The following ATXN7L1 variants were observed in gnomAD, a reference collection of about 807,000 sequenced individuals.
ATXN7L1 encodes ataxin-7-like protein 1.
ATXN7L1 carries 15 observed loss-of-function variants against 70.8 expected under a neutral mutation model. The observed-to-expected ratio is 0.21, with a 90% CI of 0.14 to 0.33. The LOEUF is 0.33. Among genes scored for constraint, ATXN7L1 ranks in the 10% least tolerant of loss-of-function variants. The pLI, the probability that ATXN7L1 is intolerant of heterozygous loss-of-function variation, is 1.00. For synonymous variants in ATXN7L1, 440 were observed against 445.1 expected (o/e 0.99, Z 0.14); for missense variants, 975 against 1,097.1 (o/e 0.89, Z 1.57).
At chr7:105,627,841 G>GTTTTTT (rs36028028) in intron 7 of ATXN7L1, among the ~76,000 whole-genome samples, 6 of 86,446 alleles carry the variant, frequency 6.9e-5, no homozygotes, top group Non-Finnish European at 8.2e-5. Flanking sequence ...CCTGTCTTTA[G>GTTTTTT]TTTTTTTTTT....
chr7:105,651,937 C>A (rs78749282), intron 4 of ATXN7L1, among the ~76,000 whole-genome samples: 34 of 152,276 alleles, frequency 2.2e-4, no homozygotes, highest in South Asian at 1.7e-3. Flanking sequence ...GAGGCCCCAG[C>A]GCATGTCTCC....
rs1322245855 is a variant in ATXN7L1, at chr7:105,605,029, G to A, written c.*2823C>T. On this transcript the variant is annotated 3_prime_UTR_variant, in exon 12 of 12. Coordinates refer to ENST00000419735, the MANE Select transcript of ATXN7L1 (RefSeq NM_020725.2). ...CATTGATACAAAAGAAGGCATACAAGTTATCCAAGTCGCTTTTTTTTTTTT... is the reference window on the plus strand; with the variant it reads ...CATTGATACAAAAGAAGGCATACAAATTATCCAAGTCGCTTTTTTTTTTTT... The A allele has an allele frequency of 7.7e-6, 1 of 129,540 alleles. No individual in the cohort carries two copies. Among genetic ancestry groups the A allele is most frequent in the Admixed American group, 8.2e-5 (1 of 12,172 alleles). 8.0% of individuals were successfully genotyped at this position (129,540 alleles called of 1,614,324 possible).
chr7:105,745,516 T>A (rs1798486446), intron 3 of ATXN7L1, among the ~76,000 whole-genome samples: 1 of 152,226 alleles, frequency 6.6e-6, no homozygotes, highest in African/African-American at 2.4e-5. Context: ...GACCACATAA[T>A]TTGAAACTTC....
At chr7:105,648,545 T>A (rs537885970) in intron 4 of ATXN7L1, among the ~76,000 whole-genome samples, 5 of 152,334 alleles carry the variant, frequency 3.3e-5, no homozygotes, top group Admixed American at 3.3e-4. Flanking sequence ...ATCCCAGAGA[T>A]GATGCTTTTT....
At position 105,779,204 on chromosome 7, in the gene ATXN7L1, C is replaced by T. The variant is rs1163452566; in HGVS notation, c.355+9400G>A. Among the ~76,000 whole-genome samples, 3 of 152,330 alleles carry T rather than the reference C, an allele frequency of 2.0e-5. No individual in the cohort carries two copies. The East Asian group carries it at 5.8e-4, about 29-fold the overall frequency. ...TCTTGAACAAATTTCTTAAGTCCTC[C>T]GGGTCTCCCTTTCCTTGAGTGTGAG... is the stretch of plus-strand genomic sequence containing the variant. On this transcript the variant is annotated intron_variant, in intron 3 of 11. Coordinates refer to ENST00000419735, the MANE Select transcript of ATXN7L1 (RefSeq NM_020725.2).
At chr7:105,819,653 C>T (rs1375654778) in intron 2 of ATXN7L1, 2 of 927,540 alleles carry the variant, frequency 2.2e-6, no homozygotes, top group Non-Finnish European at 1.8e-6. Flanking sequence ...AGTTGAAGTA[C>T]CTGGTCTTCC....
intron 3 of ATXN7L1, among the ~76,000 whole-genome samples, chr7:105,689,528 A>C (rs865801000): frequency 4.6e-5 from 7 of 152,126 alleles, no homozygotes; most frequent in Non-Finnish European, 8.8e-5. Context: ...GGGGTGATTG[A>C]CACAGCTGGG....
At chr7:105,712,403 G>C (rs1440245839) in intron 3 of ATXN7L1, among the ~76,000 whole-genome samples, 2 of 152,152 alleles carry the variant, frequency 1.3e-5, no homozygotes, top group Non-Finnish European at 2.9e-5. Flanking sequence ...CACATGGCTG[G>C]CCTGCAAATT....
At chr7:105,775,951 C>T (rs913244929) in intron 3 of ATXN7L1, among the ~76,000 whole-genome samples, 1 of 152,096 alleles carries the variant, frequency 6.6e-6, no homozygotes, top group Non-Finnish European at 1.5e-5. Flanking sequence ...CACAGTTTCC[C>T]AAGGGTATGC....
intron 1 of ATXN7L1, 122 bp downstream of exon 1, chr7:105,876,256 G>C (rs1819275894): frequency 8.1e-7 from 1 of 1,238,282 alleles, no homozygotes; most frequent in Non-Finnish European, 1.1e-6. Flanking sequence ...GAGAGAGAGG[G>C]AGAAGCATGG....
intron 3 of ATXN7L1, 23 bp from the exon 4 acceptor site, chr7:105,665,311 A>C: frequency 6.6e-7 from 1 of 1,524,406 alleles, no homozygotes; most frequent in Non-Finnish European, 8.9e-7. Flanking sequence ...AAAGTAGAGA[A>C]CTCAGCACAG....
At chr7:105,873,022 C>T (rs1048132113) in intron 2 of ATXN7L1, among the ~76,000 whole-genome samples, 1 of 152,026 alleles carries the variant, frequency 6.6e-6, no homozygotes, top group East Asian at 1.9e-4. Context: ...GGCTTGGTGG[C>T]GGGCGCCTGT....
At chr7:105,792,839 G>A (rs1805452669) in intron 2 of ATXN7L1, among the ~76,000 whole-genome samples, 1 of 152,166 alleles carries the variant, frequency 6.6e-6, no homozygotes, top group South Asian at 2.1e-4. Flanking sequence ...GCAAAAAAGT[G>A]AAGAGTGAAA....
At chr7:105,871,091 T>TTC (rs1818198608) in intron 2 of ATXN7L1, among the ~76,000 whole-genome samples, 1 of 151,562 alleles carries the variant, frequency 6.6e-6, no homozygotes, top group Non-Finnish European at 1.5e-5. Flanking sequence ...TGGGTTTTTT[T>TTC]TTTTTTTTTT....
chr7:105,685,071 AATAATAATAATAAT>A, intron 3 of ATXN7L1, among the ~76,000 whole-genome samples: 1 of 149,488 alleles, frequency 6.7e-6, no homozygotes, highest in South Asian at 2.1e-4. Context: ...TAATAATAAT[AATAATAATAATAAT>A]AAATGGTTTT....
At chr7:105,731,720 C>A (rs1334782217) in intron 3 of ATXN7L1, among the ~76,000 whole-genome samples, 1 of 75,404 alleles carries the variant, frequency 1.3e-5, no homozygotes, top group African/African-American at 7.0e-5. Context: ...TAGGCGTGAG[C>A]CACTGCACCT....
At chr7:105,685,314 C>G (rs1465023245) in intron 3 of ATXN7L1, among the ~76,000 whole-genome samples, 1 of 152,104 alleles carries the variant, frequency 6.6e-6, no homozygotes, top group Non-Finnish European at 1.5e-5. Flanking sequence ...AAAGTTGAGT[C>G]AGACTATGCA....
intron 7 of ATXN7L1, among the ~76,000 whole-genome samples, chr7:105,626,925 G>A (rs944763638): frequency 6.6e-6 from 1 of 152,210 alleles, no homozygotes; most frequent in Admixed American, 6.5e-5. Flanking sequence ...AATGTGGGTA[G>A]TACATACTAT....
intron 7 of ATXN7L1, among the ~76,000 whole-genome samples, chr7:105,634,043 C>T (rs1321835066): frequency 6.6e-6 from 1 of 152,112 alleles, no homozygotes; most frequent in Non-Finnish European, 1.5e-5. Flanking sequence ...CTTTCAGGAC[C>T]TTTTAGCTCT....
Sources: allele counts gnomAD v4.1 joint callset (sites outside exome capture counted in the v4.1 genomes callset), GRCh38; gene constraint gnomAD v4.1.1; transcripts MANE v1.5; gene names NCBI Gene and HGNC (gene_info 2026-07-23, HGNC 2026-07-21).